Variants in FRMD6 observed in about 807,000 individuals in gnomAD.
The protein encoded by FRMD6 is FERM domain containing 6, also known as FERM domain-containing protein 6.
FRMD6 carries 37 observed loss-of-function variants against 73.2 expected under a neutral mutation model. The observed-to-expected ratio is 0.51, with a 90% CI of 0.39 to 0.66. The LOEUF (loss-of-function observed/expected upper bound fraction) is 0.66. Among genes scored for constraint, FRMD6 ranks in the 30% least tolerant of loss-of-function variants. FRMD6 has a pLI of 0.00. For synonymous variants in FRMD6, 273 were observed against 282.2 expected (o/e 0.97, Z 0.33); for missense variants, 714 against 780.5 (o/e 0.91, Z 1.02).
chr14:51,553,343 G>A (rs1455729205), intron 1 of FRMD6, among the ~76,000 whole-genome samples: 1 of 152,158 alleles, frequency 6.6e-6, no homozygotes, highest in Non-Finnish European at 1.5e-5. Context: ...AATCAGACAG[G>A]TTCCCAGATC....
intron 1 of FRMD6, among the ~76,000 whole-genome samples, chr14:51,522,109 T>C (rs1884986137): frequency 6.6e-6 from 1 of 152,214 alleles, no homozygotes; most frequent in South Asian, 2.1e-4. Flanking sequence ...AAAGATAGAA[T>C]TCTTAATTTA....
chr14:51,671,992 A>G (rs1322572397), intron 1 of FRMD6, among the ~76,000 whole-genome samples: 1 of 152,226 alleles, frequency 6.6e-6, no homozygotes, highest in African/African-American at 2.4e-5. Context: ...CAAATCAGCT[A>G]CAGACAAGAG....
the FRMD6 span, among the ~76,000 whole-genome samples, chr14:51,474,929 G>A: frequency 3.3e-5 from 5 of 152,338 alleles, no homozygotes; most frequent in African/African-American, 1.2e-4. Flanking sequence ...TCTTTCTGCA[G>A]AGATATTTTT....
At chr14:51,604,457 G>A (rs558804072) in intron 2 of FRMD6, among the ~76,000 whole-genome samples, 3 of 152,136 alleles carry the variant, frequency 2.0e-5, no homozygotes, top group Admixed American at 1.3e-4. Flanking sequence ...TTATTTGAAG[G>A]AATTCACAGC....
upstream of FRMD6, among the ~76,000 whole-genome samples, chr14:51,648,406 C>T (rs1892176112): frequency 6.6e-6 from 1 of 152,218 alleles, no homozygotes; most frequent in Admixed American, 6.5e-5. Flanking sequence ...TATGCCTACA[C>T]TTAAAATAAC....
At chr14:51,664,787 G>A (rs1018249375) in intron 1 of FRMD6, among the ~76,000 whole-genome samples, 4 of 152,018 alleles carry the variant, frequency 2.6e-5, no homozygotes, top group African/African-American at 4.8e-5. Context: ...TGTTTTATTC[G>A]CATCATTTTG....
chr14:51,428,943 G>GT, the FRMD6 span, among the ~76,000 whole-genome samples: 2 of 73,808 alleles, frequency 2.7e-5, no homozygotes, highest in Non-Finnish European at 5.6e-5. Context: ...AGAGAGAAGG[G>GT]GAGAGACAGA....
At position 51,551,130 on chromosome 14, in the gene FRMD6, A is replaced by T. The variant is rs1294403595; in HGVS notation, c.-209-19218A>T. On this transcript the variant is annotated intron_variant, in intron 1 of 14. Transcript: ENST00000356218. ...ACTAGATCCTCCATTTACCCAGCAC[A>T]TGTTTCAAGATCCAGGATCTCCCAC... Among the ~76,000 whole-genome samples, 7 of 152,248 alleles carry T rather than the reference A, an allele frequency of 4.6e-5. No homozygotes were observed. In the East Asian group the frequency reaches 1.2e-3, roughly 25 times the overall value.
upstream of FRMD6, among the ~76,000 whole-genome samples, chr14:51,488,492 C>T (rs908974742): frequency 2.6e-5 from 4 of 152,228 alleles, no homozygotes; most frequent in African/African-American, 9.6e-5. Context: ...CAAGACTTAA[C>T]AACTTCTGCC....
chr14:51,606,455 A>G (rs1890260428), intron 2 of FRMD6, among the ~76,000 whole-genome samples: 1 of 152,156 alleles, frequency 6.6e-6, no homozygotes, highest in Non-Finnish European at 1.5e-5. Flanking sequence ...GCCTTTTCCA[A>G]GGAACAATCT....
intron 2 of FRMD6, among the ~76,000 whole-genome samples, chr14:51,638,334 G>A (rs138828261): frequency 1.0e-3 from 156 of 152,186 alleles, no homozygotes; most frequent in African/African-American, 3.4e-3. Flanking sequence ...GAGTGAGAGC[G>A]GATAGCATAG....
intron 1 of FRMD6, among the ~76,000 whole-genome samples, chr14:51,658,115 C>G (rs1892967702): frequency 6.6e-6 from 1 of 152,190 alleles, no homozygotes; most frequent in South Asian, 2.1e-4. Flanking sequence ...CTATGTAGTC[C>G]AAGCAAGTGA....
At chr14:51,625,006 T>C (rs1481529151) in intron 2 of FRMD6, among the ~76,000 whole-genome samples, 1 of 152,234 alleles carries the variant, frequency 6.6e-6, no homozygotes, top group Non-Finnish European at 1.5e-5. Context: ...AGTTATATTG[T>C]ATCTAGAAAC....
chr14:51,427,423 A>G, the FRMD6 span, among the ~76,000 whole-genome samples: 2 of 152,262 alleles, frequency 1.3e-5, no homozygotes, highest in East Asian at 3.8e-4. Context: ...AAGGCACACA[A>G]TTAAATTATG....
intron 2 of FRMD6, among the ~76,000 whole-genome samples, chr14:51,615,835 A>G (rs1360294093): frequency 6.6e-6 from 1 of 152,230 alleles, no homozygotes; most frequent in East Asian, 1.9e-4. Context: ...GTTAGCTAAG[A>G]AAGTGTGGTA....
the FRMD6 span, among the ~76,000 whole-genome samples, chr14:51,471,011 A>G: frequency 5.3e-5 from 8 of 152,328 alleles, no homozygotes; most frequent in Admixed American, 3.9e-4. Context: ...ATAGTGATCA[A>G]TAGTATTGTG....
At chr14:51,602,980 T>C (rs1351699378) in intron 2 of FRMD6, among the ~76,000 whole-genome samples, 1 of 152,224 alleles carries the variant, frequency 6.6e-6, no homozygotes, top group Non-Finnish European at 1.5e-5. Context: ...TCAAAATTCA[T>C]GTGTTGAAAT....
intron 2 of FRMD6, among the ~76,000 whole-genome samples, chr14:51,598,930 C>T (rs1594581474): frequency 6.6e-6 from 1 of 152,130 alleles, no homozygotes; most frequent in Middle Eastern, 3.4e-3. Context: ...ATTACAGGGT[C>T]AAATGTAGCT....
the FRMD6 span, among the ~76,000 whole-genome samples, chr14:51,435,679 T>A: frequency 6.6e-6 from 1 of 152,154 alleles, no homozygotes; most frequent in Non-Finnish European, 1.5e-5. Flanking sequence ...AAGGATTTTT[T>A]AACCAATATG....
Sources: gnomAD v4.1 joint callset for allele counts (sites outside exome capture counted in the v4.1 genomes callset) on GRCh38, gnomAD v4.1.1 for gene constraint, MANE v1.5 for transcripts, NCBI Gene and HGNC (gene_info 2026-07-23, HGNC 2026-07-21) for gene names.